Variants in SCLT1 observed in about 807,000 individuals in gnomAD.
SCLT1 encodes sodium channel-associated protein 1.
Under a neutral mutation model 112.8 loss-of-function variants are expected in SCLT1, and 78 were observed. That is an observed-to-expected ratio of 0.69 (90% CI 0.58 to 0.83). The LOEUF (loss-of-function observed/expected upper bound fraction) is 0.83. SCLT1 is among the 40% of genes least tolerant of loss of function. The pLI, the probability that SCLT1 is intolerant of heterozygous loss-of-function variation, is 0.00. For missense variants in SCLT1, 747 were observed against 770.4 expected (o/e 0.97, Z 0.36); for synonymous variants, 257 against 254.7 (o/e 1.01, Z -0.09).
At chr4:129,043,811 G>A (rs1747925428) in intron 3 of SCLT1, among the ~76,000 whole-genome samples, 182 bp downstream of exon 3, 1 of 152,126 alleles carries the variant, frequency 6.6e-6, no homozygotes, top group Non-Finnish European at 1.5e-5. Context: ...CAGGGGTAAA[G>A]TTGCTCCTGT....
chr4:128,946,461 A>G (rs1031293261), intron 15 of SCLT1, among the ~76,000 whole-genome samples: 1 of 152,148 alleles, frequency 6.6e-6, no homozygotes, highest in African/African-American at 2.4e-5. Context: ...AGTCCCAGCT[A>G]TTAGGGAGGC....
chr4:129,009,438 C>A (rs2126100616), intron 5 of SCLT1, among the ~76,000 whole-genome samples: 1 of 151,684 alleles, frequency 6.6e-6, no homozygotes, highest in South Asian at 2.1e-4. Context: ...GGTGTGAACC[C>A]AGGAGGCGGA....
intron 9 of SCLT1, among the ~76,000 whole-genome samples, chr4:128,982,960 C>T (rs1283296795): frequency 6.6e-6 from 1 of 152,112 alleles, no homozygotes; most frequent in Non-Finnish European, 1.5e-5. Flanking sequence ...ACGATCTCGG[C>T]TCACCGCAAC....
chr4:129,069,178 C>T (rs1181359587), intron 2 of SCLT1, among the ~76,000 whole-genome samples: 1 of 152,106 alleles, frequency 6.6e-6, no homozygotes, highest in African/African-American at 2.4e-5. Flanking sequence ...TAGCTATGGC[C>T]TTAGAGTATA....
chr4:129,055,854 C>T (rs1466971741), intron 2 of SCLT1, among the ~76,000 whole-genome samples: 1 of 151,484 alleles, frequency 6.6e-6, no homozygotes, highest in South Asian at 2.1e-4. Context: ...AACAAACAAA[C>T]AAAACTCCTG....
In SCLT1 at chr4:128,973,548, T is replaced by C. The variant is rs72922052; in HGVS notation, c.687-3080A>G. Among the ~76,000 whole-genome samples the C allele has an allele frequency of 6.4e-3, 966 of 151,788 alleles. 7 individuals carry two copies. The highest frequency in any genetic ancestry group is 0.016 in the African/African-American group (668 of 41,406). ...AGAGAGAGAAAGAGAGAGAGAATGT[T>C]ACAGTACAACTATATCTTGATATTT... On this transcript the variant is annotated intron_variant, in intron 9 of 20. Transcript: ENST00000281142.
Position 128,884,552 on chromosome 4 carries a change from T to C in SCLT1, c.2005-13A>G. ...TAATCACACTGAGCTGCAATTAAAA[T>C]AAACAATCGGTAAGTAGTTACTTTT... On this transcript the variant is annotated splice_polypyrimidine_tract_variant and intron_variant, in intron 20 of 20. Transcript: ENST00000281142. 1 of 1,570,896 alleles carries C rather than the reference T, an allele frequency of 6.4e-7. No individual in the cohort carries two copies. Among genetic ancestry groups the C allele is most frequent in the African/African-American group, 1.3e-5 (1 of 74,084 alleles).
rs190923204 is a variant in SCLT1, at chr4:128,984,127, C to T, written c.686+8040G>A. Among the ~76,000 whole-genome samples, 54 of 152,258 alleles carry T rather than the reference C, an allele frequency of 3.5e-4. 1 individual carries two copies. The highest frequency in any genetic ancestry group is 2.1e-4 in the South Asian group (1 of 4,828). The stretch of plus-strand genomic sequence containing the variant: ...TTCATGGACAATTAAACACTTAAGA[C>T]GTTTTAGGCTTTGGAAAACTGCAAC... On this transcript the variant is annotated intron_variant, in intron 9 of 20. Coordinates refer to ENST00000281142, the MANE Select transcript of SCLT1 (RefSeq NM_144643.4).
chr4:129,013,113 T>A (rs146707924), intron 5 of SCLT1, among the ~76,000 whole-genome samples: 2 of 152,164 alleles, frequency 1.3e-5, no homozygotes, highest in African/African-American at 2.4e-5. Context: ...TATCCAGTAG[T>A]TATCTTTTCT....
chr4:128,965,419 C>G, intron 10 of SCLT1, 101 bp from the exon 11 acceptor site: 1 of 741,858 alleles, frequency 1.3e-6, no homozygotes, highest in Non-Finnish European at 2.3e-6. Flanking sequence ...AGTTATTATG[C>G]TATTAGCATT....
intron 9 of SCLT1, among the ~76,000 whole-genome samples, chr4:128,982,369 T>C (rs1449031895): frequency 6.6e-6 from 1 of 152,240 alleles, no homozygotes; most frequent in African/African-American, 2.4e-5. Context: ...ATAAAGACTG[T>C]TTCTACCTTC....
chr4:129,003,403 G>A (rs1743694811), intron 6 of SCLT1, among the ~76,000 whole-genome samples: 1 of 145,560 alleles, frequency 6.9e-6, no homozygotes, highest in African/African-American at 2.6e-5. Context: ...TGCACGTTCT[G>A]CACATGTATC....
At chr4:129,043,962 A>G in intron 3 of SCLT1, 31 bp downstream of exon 3, 1 of 1,084,958 alleles carries the variant, frequency 9.2e-7, no homozygotes, top group Non-Finnish European at 1.4e-6. Context: ...AATATAACGA[A>G]GAAAATGATA....
At chr4:128,925,430 C>A (rs1736219799) in intron 18 of SCLT1, among the ~76,000 whole-genome samples, 1 of 151,806 alleles carries the variant, frequency 6.6e-6, no homozygotes, top group South Asian at 2.1e-4. Context: ...GCAACCTCTG[C>A]CTCCTGCCTC....
At chr4:128,940,788 T>C (rs1006668000) in intron 17 of SCLT1, among the ~76,000 whole-genome samples, 8 of 152,112 alleles carry the variant, frequency 5.3e-5, no homozygotes, top group Admixed American at 4.6e-4. Context: ...ACTATACATA[T>C]AGATGTAACA....
Position 128,936,769 on chromosome 4 carries a change from T to A in SCLT1, c.1715A>T (p.Asn572Ile). ...QLREMEDSNR[N>I]SIVELRHLLA... Reference sequence around the variant, plus strand: ...GAGATGCCTCAGTTCAACAATGGAATTTCTATTACTGTCTTCCATCTCTCT... The same window carrying A: ...GAGATGCCTCAGTTCAACAATGGAAATTCTATTACTGTCTTCCATCTCTCT... The change falls in exon 18 of 21, where the codon AAT becomes ATT. Residue 572 changes from asparagine (N) to isoleucine (I), a missense_variant. Asn to Ile is a moderately radical substitution (Grantham distance 149). Transcript: ENST00000281142. 1 of 1,609,410 alleles carries A rather than the reference T, an allele frequency of 6.2e-7. No individual in the cohort carries two copies. The highest frequency in any genetic ancestry group is 8.5e-7 in the Non-Finnish European group (1 of 1,175,980).
intron 2 of SCLT1, among the ~76,000 whole-genome samples, chr4:129,068,260 T>C (rs1750670059): frequency 6.6e-6 from 1 of 152,318 alleles, no homozygotes; most frequent in Non-Finnish European, 1.5e-5. Flanking sequence ...CTGGATCAAA[T>C]GGTAGTCCTA....
At chr4:128,916,560 C>T (rs1735489202) in intron 18 of SCLT1, among the ~76,000 whole-genome samples, 1 of 152,136 alleles carries the variant, frequency 6.6e-6, no homozygotes, top group South Asian at 2.1e-4. Flanking sequence ...GACTTGAAGT[C>T]TTTACAGGAC....
At chr4:129,061,186 T>C (rs1470803846) in intron 2 of SCLT1, among the ~76,000 whole-genome samples, 2 of 152,154 alleles carry the variant, frequency 1.3e-5, no homozygotes, top group South Asian at 2.1e-4. Flanking sequence ...CCTAGGATGG[T>C]AAGGCTTATC....
Sources: allele counts gnomAD v4.1 joint callset (sites outside exome capture counted in the v4.1 genomes callset), GRCh38; gene constraint gnomAD v4.1.1; transcripts MANE v1.5; gene names NCBI Gene and HGNC (gene_info 2026-07-23, HGNC 2026-07-21).